The following MAGI2 variants were observed in gnomAD, a reference collection of about 807,000 sequenced individuals.
The protein encoded by MAGI2 is membrane associated guanylate kinase, WW and PDZ domain containing 2.
In MAGI2, 35 loss-of-function variants were observed where a neutral mutation model predicts 133.3. That is an observed-to-expected ratio of 0.26 (90% confidence interval 0.20 to 0.35). The LOEUF (loss-of-function observed/expected upper bound fraction) is 0.35. MAGI2 is among the 10% of genes least tolerant of loss of function. The probability of loss-of-function intolerance (pLI) is 1.00; values close to 1 mark genes in which losing one functional copy is unlikely to be tolerated. For missense variants in MAGI2, 1,636 were observed against 1,863.4 expected (o/e 0.88, Z 2.25); for synonymous variants, 729 against 710.6 (o/e 1.03, Z -0.41).
chr7:79,411,480 G>A (rs1419753056), intron 1 of MAGI2: 1 of 152,158 alleles, frequency 6.6e-6, no homozygotes, highest in African/African-American at 2.4e-5. Context: ...AAGGGGGCAT[G>A]AGCCAAGGCA....
chr7:78,201,110 A>T (rs187519551), intron 11 of MAGI2, 52 bp downstream of exon 11: 1 of 1,188,918 alleles, frequency 8.4e-7, no homozygotes, highest in African/African-American at 1.6e-5. Flanking sequence ...TATTAAATGA[A>T]ATTGCAATAG....
chr7:79,168,889 GATATATATATATAT>G (rs1182056135), intron 1 of MAGI2, among the ~76,000 whole-genome samples: 59 of 14,630 alleles, frequency 4.0e-3, no homozygotes, highest in South Asian at 0.029. Context: ...TCTAAAGATA[GATATATATATATAT>G]ATATATATAT....
At chr7:79,435,041 C>G (rs1461675864) in intron 1 of MAGI2, among the ~76,000 whole-genome samples, 1 of 152,156 alleles carries the variant, frequency 6.6e-6, no homozygotes, top group African/African-American at 2.4e-5. Context: ...GCTTCCTGGC[C>G]TTTGGACTGG....
chr7:78,687,437 A>C (rs1459177426), intron 2 of MAGI2, among the ~76,000 whole-genome samples: 3 of 152,198 alleles, frequency 2.0e-5, no homozygotes, highest in Non-Finnish European at 4.4e-5. Flanking sequence ...ATTCCTAAAA[A>C]TTGGAAATGC....
intron 20 of MAGI2, among the ~76,000 whole-genome samples, chr7:78,097,356 A>G (rs962923520): frequency 1.3e-5 from 2 of 152,192 alleles, no homozygotes; most frequent in East Asian, 1.9e-4. Flanking sequence ...ATAAAGACAC[A>G]TGCATGTGAA....
At chr7:78,503,650 C>T (rs1442142619) in intron 4 of MAGI2, among the ~76,000 whole-genome samples, 1 of 126,704 alleles carries the variant, frequency 7.9e-6, no homozygotes, top group African/African-American at 2.9e-5. Flanking sequence ...TCCTCTTCTT[C>T]CCTCCTCCTT....
chr7:78,274,205 G>A (rs1423016874), intron 9 of MAGI2, among the ~76,000 whole-genome samples: 2 of 152,172 alleles, frequency 1.3e-5, no homozygotes, highest in Non-Finnish European at 2.9e-5. Context: ...CTCTGCTGCA[G>A]GTCTCCTGGA....
chr7:79,361,197 A>C (rs1340243822), intron 1 of MAGI2, among the ~76,000 whole-genome samples: 2 of 152,216 alleles, frequency 1.3e-5, no homozygotes, highest in Non-Finnish European at 2.9e-5. Context: ...ATCACACAAT[A>C]GACCTTTAAT....
chr7:78,648,710 G>C (rs1811172824), intron 2 of MAGI2, among the ~76,000 whole-genome samples: 2 of 152,056 alleles, frequency 1.3e-5, no homozygotes, highest in South Asian at 4.2e-4. Flanking sequence ...GAGGACCACT[G>C]GTCTTGGAAT....
chr7:79,394,545 G>A lies in MAGI2; in HGVS notation c.301+58475C>T, dbSNP rs146524408. Reference sequence around the variant, plus strand: ...TCCTGCCCCAAGATACATAATTACAGTAGAGAGAGCAAACAGTTCTCATTG... The same window carrying A: ...TCCTGCCCCAAGATACATAATTACAATAGAGAGAGCAAACAGTTCTCATTG... On this transcript the variant is annotated intron_variant, in intron 1 of 21. Transcript: ENST00000354212. Among the ~76,000 whole-genome samples, 8 of 152,258 alleles carry A rather than the reference G, an allele frequency of 5.3e-5. No homozygotes were observed. In the East Asian group the frequency reaches 9.7e-4, roughly 18 times the overall value.
chr7:78,445,054 G>A (rs1310194858), intron 6 of MAGI2, among the ~76,000 whole-genome samples: 2 of 151,692 alleles, frequency 1.3e-5, no homozygotes, highest in Admixed American at 6.6e-5. Context: ...AGATCTCCTT[G>A]GGTGGTTACA....
chr7:79,067,028 G>A (rs1562852907), intron 1 of MAGI2, among the ~76,000 whole-genome samples: 1 of 152,102 alleles, frequency 6.6e-6, no homozygotes, highest in Non-Finnish European at 1.5e-5. Context: ...AGTATAGTTT[G>A]AAACAGGTGG....
chr7:78,468,640 T>C (rs914204484), intron 6 of MAGI2, among the ~76,000 whole-genome samples: 3 of 152,114 alleles, frequency 2.0e-5, no homozygotes, highest in Non-Finnish European at 4.4e-5. Flanking sequence ...CTCTAAGTTA[T>C]TTAATATAAT....
At chr7:78,317,632 G>A (rs1228767960) in intron 9 of MAGI2, among the ~76,000 whole-genome samples, 1 of 152,204 alleles carries the variant, frequency 6.6e-6, no homozygotes, top group East Asian at 1.9e-4. Context: ...CAGCATTCGA[G>A]CTCTGATAAG....
At chr7:78,680,696 C>G (rs1201058222) in intron 2 of MAGI2, among the ~76,000 whole-genome samples, 3 of 152,114 alleles carry the variant, frequency 2.0e-5, no homozygotes, top group East Asian at 3.9e-4. Flanking sequence ...GTTTTGACAA[C>G]ATTCATAATC....
intron 9 of MAGI2, among the ~76,000 whole-genome samples, chr7:78,293,765 A>G (rs1236673453): frequency 1.3e-5 from 2 of 152,200 alleles, no homozygotes; most frequent in East Asian, 3.9e-4. Flanking sequence ...ATAAAAAAGG[A>G]TGAGTTCATG....
intron 2 of MAGI2, among the ~76,000 whole-genome samples, chr7:78,910,309 C>T (rs1357148373): frequency 6.8e-6 from 1 of 146,944 alleles, no homozygotes; most frequent in Non-Finnish European, 1.5e-5. Context: ...AAATTATAAC[C>T]AAGTCAAACT....
At chr7:78,440,381 A>G (rs1176770244) in intron 6 of MAGI2, among the ~76,000 whole-genome samples, 1 of 152,180 alleles carries the variant, frequency 6.6e-6, no homozygotes, top group African/African-American at 2.4e-5. Flanking sequence ...CCCACATGTT[A>G]CACTGTAGTA....
intron 3 of MAGI2, among the ~76,000 whole-genome samples, chr7:78,586,529 T>A (rs1033979482): frequency 6.6e-6 from 1 of 152,240 alleles, no homozygotes; most frequent in Non-Finnish European, 1.5e-5. Context: ...CAATCTGTTA[T>A]GTTCTTCTCT....
Sources: allele counts gnomAD v4.1 joint callset (sites outside exome capture counted in the v4.1 genomes callset), GRCh38; gene constraint gnomAD v4.1.1; transcripts MANE v1.5; gene names NCBI Gene and HGNC (gene_info 2026-07-23, HGNC 2026-07-21).